Variants in BATF2 observed in about 807,000 individuals in gnomAD.
The protein encoded by BATF2 is basic leucine zipper transcriptional factor ATF-like 2.
BATF2 carries 4 observed loss-of-function variants against 7.3 expected under a neutral mutation model. The ratio of observed to expected loss-of-function variants is 0.55; its 90% CI spans 0.27 to 1.26. The LOEUF (loss-of-function observed/expected upper bound fraction) is 1.26. Among genes scored for constraint, BATF2 ranks in the 50% most tolerant of loss-of-function variants. The pLI, the probability that BATF2 is intolerant of heterozygous loss-of-function variation, is 0.11. For missense variants in BATF2, 295 were observed against 340.5 expected (o/e 0.87, Z 1.05); for synonymous variants, 152 against 153.9 (o/e 0.99, Z 0.09).
chr11:64,989,781 G>A lies in BATF2; in HGVS notation c.173C>T (p.Ala58Val), dbSNP rs755614376. 6.2e-7 allele frequency: 1 copy of A among 1,613,944 alleles called. No individual in the cohort carries two copies. The highest frequency in any genetic ancestry group is 1.7e-5 in the Admixed American group (1 of 60,006). The change falls in exon 3 of 3, where the codon GCC (alanine) becomes GTC (valine). Residue 58 changes from alanine (A) to valine (V), a missense_variant. By Grantham distance (64) the Ala-to-Val change is moderately conservative. Transcript: ENST00000301887. This position sits in a 1 kb window ranked among gnomAD's most constrained non-coding sequence, Gnocchi z 4.3. ...QHESLEKDNL[A>V]LRKEIQSLQA... The stretch of plus-strand genomic sequence containing the variant: ...CAGGGACTGGATCTCCTTCCGCAGG[G>A]CGAGGTTGTCTTTTTCCAGAGACTC...
chr11:64,990,177 C>G (rs1413469713), intron 2 of BATF2: 1 of 1,535,708 alleles, frequency 6.5e-7, no homozygotes, highest in Non-Finnish European at 8.7e-7. Flanking sequence ...GGTTAAAGCC[C>G]TTTAGAGGCA....
At chr11:64,990,486 C>T in intron 2 of BATF2, 1 of 1,218,092 alleles carries the variant, frequency 8.2e-7, no homozygotes, top group Non-Finnish European at 1.0e-6. Context: ...TGGGAGGATT[C>T]AGGGGATTGT....
At chr11:64,995,547 C>G (rs879492806) in intron 1 of BATF2, among the ~76,000 whole-genome samples, 1 of 152,132 alleles carries the variant, frequency 6.6e-6, no homozygotes, top group Non-Finnish European at 1.5e-5. Context: ...GGGTTTATTC[C>G]GGTGGAAGAG....
At chr11:64,996,771 A>G in intron 1 of BATF2, 105 bp downstream of exon 1, 3 of 1,377,128 alleles carry the variant, frequency 2.2e-6, no homozygotes, top group Non-Finnish European at 3.1e-6. Flanking sequence ...CTCAGAGTAT[A>G]GAGCTGGGAC....
In BATF2 at chr11:64,989,826, G is replaced by A. The variant is rs759767981; in HGVS notation, c.142-14C>T. On this transcript the variant is annotated splice_polypyrimidine_tract_variant and intron_variant, in intron 2 of 2. Transcript: ENST00000301887. This position sits in a 1 kb window ranked among gnomAD's most constrained non-coding sequence, Gnocchi z 4.3. ...AGACTCGTGCTGCTGCAGAGAAGCA[G>A]ATGGGCGGGGAGGGGAACCTCAGCC... The A allele has an allele frequency of 1.9e-6, 3 of 1,613,082 alleles. No individual in the cohort carries two copies. In the South Asian group the frequency reaches 3.3e-5, roughly 18 times the overall value.
At position 64,989,172 on chromosome 11, in the gene BATF2, AGAGGGT is replaced by A; in HGVS notation, c.776_781del (p.His259_Pro260del). 6.2e-7 allele frequency: 1 copy of A among 1,614,148 alleles called. No individual in the cohort carries two copies. The highest frequency in any genetic ancestry group is 1.1e-5 in the South Asian group (1 of 91,076). On this transcript the variant is annotated inframe_deletion, in exon 3 of 3. Coordinates refer to ENST00000301887, the MANE Select transcript of BATF2 (RefSeq NM_138456.4). The surrounding 1 kb of genome is among the most constrained non-coding windows in gnomAD (Gnocchi z 4.3). ...AGAGGAGAGCAGAGGAAAGGCCAGG[AGAGGGT>A]GAGGGCTGGGATCCACAACCAGCCC... is the stretch of plus-strand genomic sequence containing the variant.
rs1411737324 is a variant in BATF2, at chr11:64,989,624, G to A, written c.330C>T (p.Gly110=). Residue 110 remains glycine, a synonymous_variant, in exon 3 of 3, where the codon GGC becomes GGT. Transcript: ENST00000301887. This position sits in a 1 kb window ranked among gnomAD's most constrained non-coding sequence, Gnocchi z 4.3. The part of the protein sequence containing the change: ...WDQAEGLLGP[G]PQGQHGCREQ... The stretch of plus-strand genomic sequence containing the variant: ...CCCGGCAGCCATGTTGTCCCTGTGG[G>A]CCAGGGCCCAGGAGCCCCTCAGCCT... The A allele has an allele frequency of 6.2e-7, 1 of 1,610,982 alleles. No individual in the cohort carries two copies. The highest frequency in any genetic ancestry group is 8.5e-7 in the Non-Finnish European group (1 of 1,178,846).
intron 2 of BATF2, among the ~76,000 whole-genome samples, chr11:64,993,739 G>A (rs183086098): frequency 6.6e-5 from 10 of 152,190 alleles, no homozygotes; most frequent in Admixed American, 2.6e-4. Flanking sequence ...ACAAATCACC[G>A]TGCAGGTCCC....
Position 64,989,263 on chromosome 11 carries a change from C to T in BATF2, c.691G>A (p.Gly231Arg). 2.5e-6 allele frequency: 4 copies of T among 1,609,734 alleles called. No homozygotes were observed. Among genetic ancestry groups the T allele is most frequent in the Non-Finnish European group, 3.4e-6 (4 of 1,177,504 alleles). Reference sequence around the variant, plus strand: ...TCCCTGCTCTGCAGACGTGCAAGCCCCAGGGCAGAGGAAGGGTTGTCGGGA... The same window carrying T: ...TCCCTGCTCTGCAGACGTGCAAGCCTCAGGGCAGAGGAAGGGTTGTCGGGA... ...SSPDNPSSAL[G>R]LARLQSREHK... Residue 231 changes from glycine (G) to arginine (R), a missense_variant, in exon 3 of 3, where the codon GGG becomes AGG. Gly to Arg is a moderately radical substitution (Grantham distance 125, BLOSUM62 -2). Coordinates refer to ENST00000301887, the MANE Select transcript of BATF2 (RefSeq NM_138456.4). This position sits in a 1 kb window ranked among gnomAD's most constrained non-coding sequence, Gnocchi z 4.3.
intron 2 of BATF2, among the ~76,000 whole-genome samples, chr11:64,992,296 C>A (rs1255274106): frequency 1.3e-5 from 2 of 151,902 alleles, no homozygotes; most frequent in African/African-American, 4.8e-5. Flanking sequence ...GAACTCCTGG[C>A]CAACAAGTAA....
At chr11:64,996,105 G>GT (rs1404187345) in intron 1 of BATF2, among the ~76,000 whole-genome samples, 1 of 151,940 alleles carries the variant, frequency 6.6e-6, no homozygotes, top group East Asian at 1.9e-4. Context: ...TTACAGGCAT[G>GT]TGCCTCCACC....
intron 2 of BATF2, 34 bp downstream of exon 2, chr11:64,994,414 A>G: frequency 1.3e-6 from 2 of 1,547,408 alleles, no homozygotes; most frequent in Non-Finnish European, 1.8e-6. Flanking sequence ...AAGTGGAGCC[A>G]GAGACAAGGA....
rs374070737 is a variant in BATF2 at position 64,989,775 on chromosome 11, C to T, written c.179G>A (p.Arg60Gln). 34 of 1,613,946 alleles carry T rather than the reference C, an allele frequency of 2.1e-5. No homozygotes were observed. The highest frequency in any genetic ancestry group is 2.5e-5 in the Non-Finnish European group (30 of 1,180,014). Residue 60 changes from arginine (R) to glutamine (Q), a missense_variant, in exon 3 of 3, where the codon CGG becomes CAG. Arg to Gln is a conservative substitution (Grantham distance 43). Transcript: ENST00000301887. This position sits in a 1 kb window ranked among gnomAD's most constrained non-coding sequence, Gnocchi z 4.3. ...ESLEKDNLAL[R>Q]KEIQSLQAEL... ...GGCCTGCAGGGACTGGATCTCCTTC[C>T]GCAGGGCGAGGTTGTCTTTTTCCAG...
intron 2 of BATF2, among the ~76,000 whole-genome samples, chr11:64,993,122 G>A (rs1311081000): frequency 6.6e-6 from 1 of 152,250 alleles, no homozygotes; most frequent in Non-Finnish European, 1.5e-5. Flanking sequence ...CACTTTGGGA[G>A]GCTGAGGCGG....
Position 64,989,034 on chromosome 11 carries a change from G to T in BATF2, c.*95C>A, listed in dbSNP as rs367918495. On this transcript the variant is annotated 3_prime_UTR_variant, in exon 3 of 3. Coordinates refer to ENST00000301887, the MANE Select transcript of BATF2 (RefSeq NM_138456.4). The surrounding 1 kb of genome is among the most constrained non-coding windows in gnomAD (Gnocchi z 4.3). ...AATCCTGGGCCAGCTGGTCAGCCAC[G>T]CAGGGCAGCACCCAGTAGTGAGGGA... 3.7e-5 allele frequency: 53 copies of T among 1,414,632 alleles called. No homozygotes were observed. In the East Asian group the frequency reaches 1.1e-3, roughly 28 times the overall value. 87.6% of individuals were successfully genotyped at this position (1,414,632 alleles called of 1,614,324 possible).
intron 2 of BATF2, chr11:64,990,020 G>C: frequency 6.5e-7 from 1 of 1,536,778 alleles, no homozygotes; most frequent in African/African-American, 1.4e-5. Context: ...AGGGGGCTCA[G>C]ATCCGCCTGC....
Position 64,989,038 on chromosome 11 carries a change from G to T in BATF2, c.*91C>A. ...CTGGGCCAGCTGGTCAGCCACGCAGGGCAGCACCCAGTAGTGAGGGAGGAG... is the reference window on the plus strand; with the variant it reads ...CTGGGCCAGCTGGTCAGCCACGCAGTGCAGCACCCAGTAGTGAGGGAGGAG... On this transcript the variant is annotated 3_prime_UTR_variant, in exon 3 of 3. Coordinates refer to ENST00000301887, the MANE Select transcript of BATF2 (RefSeq NM_138456.4). This position sits in a 1 kb window ranked among gnomAD's most constrained non-coding sequence, Gnocchi z 4.3. 1 of 1,448,660 alleles carries T rather than the reference G, an allele frequency of 6.9e-7. No individual in the cohort carries two copies. Among genetic ancestry groups the T allele is most frequent in the South Asian group, 1.2e-5 (1 of 86,258 alleles). The allele number at this position is 1,448,660 out of a possible 1,614,324, so 89.7% of individuals were successfully genotyped here. A position where few individuals can be genotyped will look rare whatever the true frequency, so the allele number is the denominator to read the frequency against.
At chr11:64,995,541 T>G (rs1946104081) in intron 1 of BATF2, among the ~76,000 whole-genome samples, 1 of 152,180 alleles carries the variant, frequency 6.6e-6, no homozygotes, top group South Asian at 2.1e-4. Flanking sequence ...AATGAAGGGT[T>G]TATTCCGGTG....
chr11:64,990,737 T>C (rs1167456759), intron 2 of BATF2: 2 of 635,136 alleles, frequency 3.1e-6, no homozygotes, highest in African/African-American at 2.0e-5. Flanking sequence ...CTGGACACTT[T>C]GAAAGAAGAA....
Sources: allele counts gnomAD v4.1 joint callset (sites outside exome capture counted in the v4.1 genomes callset), GRCh38; gene constraint gnomAD v4.1.1; non-coding constraint Gnocchi (gnomAD v3.1); transcripts MANE v1.5; gene names NCBI Gene and HGNC (gene_info 2026-07-23, HGNC 2026-07-21).